Variants in TENM1 observed in about 807,000 individuals in gnomAD.
The protein encoded by TENM1 is teneurin-1.
A neutral mutation model predicts 174.8 loss-of-function variants in TENM1; 35 were observed. That is an observed-to-expected ratio of 0.20 (90% CI 0.15 to 0.27). The LOEUF (loss-of-function observed/expected upper bound fraction) is 0.27, where lower values mean the gene tolerates loss of function less well. Ranked by LOEUF, TENM1 falls within the 10% of genes least tolerant of loss-of-function variation. The pLI, the probability that TENM1 is intolerant of heterozygous loss-of-function variation, is 1.00. For missense variants in TENM1, 1,633 were observed against 2,130.1 expected (o/e 0.77, Z 4.59); for synonymous variants, 781 against 798.7 (o/e 0.98, Z 0.37).
chrX:124,444,286 G>A (rs1016838491), intron 23 of TENM1, among the ~76,000 whole-genome samples: 3 of 112,005 alleles, frequency 2.7e-5, no homozygotes, highest in Non-Finnish European at 5.6e-5. Flanking sequence ...AGAGACTAAG[G>A]CAGGACCCAG....
chrX:125,035,928 G>C, the TENM1 span, among the ~76,000 whole-genome samples: 7 of 110,695 alleles, frequency 6.3e-5, no homozygotes, highest in African/African-American at 2.3e-4. Context: ...TCAACAAGCT[G>C]ATAAAAAATA....
At chrX:124,646,606 G>A (rs749773362) in intron 9 of TENM1, 103 bp downstream of exon 12, 65 of 567,742 alleles carry the variant, frequency 1.1e-4, no homozygotes, top group Non-Finnish European at 1.8e-4. Context: ...TGCTGTTGCT[G>A]TCACCACTAC....
chrX:124,503,909 T>A (rs997432334), intron 18 of TENM1, among the ~76,000 whole-genome samples: 1 of 111,815 alleles, frequency 8.9e-6, no homozygotes, highest in South Asian at 3.7e-4. Flanking sequence ...GCATATCGGA[T>A]AAATATATGA....
the TENM1 span, among the ~76,000 whole-genome samples, chrX:124,971,879 C>T: frequency 2.7e-5 from 3 of 111,782 alleles, no homozygotes. Flanking sequence ...TATTTCCTTG[C>T]TTATTAACTG....
chrX:124,973,312 T>C, the TENM1 span, among the ~76,000 whole-genome samples: 1 of 112,043 alleles, frequency 8.9e-6, no homozygotes, highest in Admixed American at 9.5e-5. Context: ...TGTAGCCTTG[T>C]AGTATAGTTT....
chrX:124,895,901 T>C (rs1363605703), intron 2 of TENM1, 80 bp downstream of exon 5: 1 of 1,098,357 alleles, frequency 9.1e-7, no homozygotes, highest in Non-Finnish European at 1.2e-6. Flanking sequence ...GAAGGGCAGA[T>C]ATAGGGAAGG....
At chrX:125,196,522 G>T in the TENM1 span, among the ~76,000 whole-genome samples, 1 of 111,411 alleles carries the variant, frequency 9.0e-6, no homozygotes, top group Non-Finnish European at 1.9e-5. Context: ...CTTAAAAAAA[G>T]AAAATCATTA....
chrX:125,013,393 A>G, the TENM1 span, among the ~76,000 whole-genome samples: 16 of 111,811 alleles, frequency 1.4e-4, no homozygotes, highest in Admixed American at 4.8e-4. Context: ...AATCTGATAA[A>G]TATCTTAGTA....
At chrX:124,747,130 C>A (rs979044987) in intron 3 of TENM1, among the ~76,000 whole-genome samples, 3 of 104,244 alleles carry the variant, frequency 2.9e-5, no homozygotes, top group African/African-American at 1.1e-4. Flanking sequence ...CCAGCCTGGG[C>A]GACACAGCAA....
At chrX:125,031,623 G>T in the TENM1 span, among the ~76,000 whole-genome samples, 4 of 112,190 alleles carry the variant, frequency 3.6e-5, no homozygotes, top group Non-Finnish European at 7.5e-5. Context: ...TATTTACAAA[G>T]AATTCTTTTA....
At chrX:124,582,564 T>C (rs751892761) in intron 11 of TENM1, among the ~76,000 whole-genome samples, 6 of 112,011 alleles carry the variant, frequency 5.4e-5, no homozygotes, top group South Asian at 3.8e-4. Context: ...ATGCTACTTA[T>C]TGAGGTGGAA....
chrX:124,563,280 C>A lies in TENM1; in HGVS notation c.2287+469G>T, dbSNP rs188214028. Among the ~76,000 whole-genome samples, 759 of 109,646 alleles carry A rather than the reference C, an allele frequency of 6.9e-3. 7 individuals carry two copies. Among genetic ancestry groups the A allele is most frequent in the African/African-American group, 0.024 (719 of 30,215 alleles). Reference sequence around the variant, plus strand: ...ACTTCTAGGAGGATAATTCTCCTGCCCCTGTAAGGACTTAGGAGTCCTTGT... The same window carrying A: ...ACTTCTAGGAGGATAATTCTCCTGCACCTGTAAGGACTTAGGAGTCCTTGT... On this transcript the variant is annotated intron_variant, in intron 13 of 31. Transcript: ENST00000422452.
intron 21 of TENM1, among the ~76,000 whole-genome samples, chrX:124,485,594 T>C (rs1192178723): frequency 9.0e-6 from 1 of 111,484 alleles, no homozygotes; most frequent in African/African-American, 3.3e-5. Flanking sequence ...GAAGAGTCCA[T>C]AGGCCATTTT....
At chrX:125,030,307 T>G in the TENM1 span, among the ~76,000 whole-genome samples, 1 of 112,002 alleles carries the variant, frequency 8.9e-6, no homozygotes, top group Non-Finnish European at 1.9e-5. Flanking sequence ...CATCTCTCAT[T>G]CTTTACCACA....
the TENM1 span, among the ~76,000 whole-genome samples, chrX:125,160,378 A>C: frequency 7.9e-5 from 8 of 101,742 alleles, no homozygotes; most frequent in Non-Finnish European, 1.0e-4. Flanking sequence ...AAAAAAAAAA[A>C]TTAGCTGGGC....
intron 6 of TENM1, among the ~76,000 whole-genome samples, chrX:124,662,728 T>C (rs2051644011): frequency 9.0e-6 from 1 of 111,652 alleles, no homozygotes; most frequent in African/African-American, 3.3e-5. Context: ...TTTTCCAAGG[T>C]CTGGCGCAAA....
chrX:124,541,408 G>A (rs1394325596), intron 15 of TENM1, among the ~76,000 whole-genome samples: 1 of 111,672 alleles, frequency 9.0e-6, no homozygotes, highest in Non-Finnish European at 1.9e-5. Context: ...AGGTCTGGCT[G>A]TTTAAAAGTG....
chrX:124,480,684 C>T (rs1382710423), intron 22 of TENM1, among the ~76,000 whole-genome samples: 1 of 111,774 alleles, frequency 8.9e-6, no homozygotes, highest in Non-Finnish European at 1.9e-5. Flanking sequence ...TTTATTCTCC[C>T]TTTTCTAATT....
Position 124,855,374 on chromosome X carries a change from G to A in TENM1, c.535+38922C>T, listed in dbSNP as rs185304314. Among the ~76,000 whole-genome samples, 52 of 111,021 alleles carry A rather than the reference G, an allele frequency of 4.7e-4. No homozygotes were observed. In the East Asian group the frequency reaches 0.013, roughly 28 times the overall value. On this transcript the variant is annotated intron_variant, in intron 3 of 31. Coordinates refer to ENST00000422452, the Ensembl canonical transcript of TENM1. ...AGTATATACACAAAACCAATTTTCT[G>A]AGCCATTATTGGGCATGACTTAAGT...
Sources: allele counts gnomAD v4.1 joint callset (sites outside exome capture counted in the v4.1 genomes callset), GRCh38; gene constraint gnomAD v4.1.1; transcripts MANE v1.5; gene names NCBI Gene and HGNC (gene_info 2026-07-23, HGNC 2026-07-21).